ESR1: variants seen among roughly 807,000 people sequenced by gnomAD.
ESR1 encodes the protein estrogen receptor.
ESR1 carries 12 observed loss-of-function variants against 52.7 expected under a neutral mutation model. The ratio of observed to expected loss-of-function variants is 0.23; its 90% CI spans 0.15 to 0.37. ESR1 has a LOEUF of 0.37. Ranked by LOEUF, ESR1 falls within the 10% of genes least tolerant of loss-of-function variation. ESR1 has a pLI of 1.00. For synonymous variants in ESR1, 305 were observed against 316.8 expected, an observed-to-expected ratio of 0.96 and a Z score of 0.39; for missense variants, 584 against 779.7, an observed-to-expected ratio of 0.75 and a Z score of 2.99.
chr6:151,750,488 G>A (rs181752143), intron 2 of ESR1, among the ~76,000 whole-genome samples: 1 of 152,206 alleles, frequency 6.6e-6, no homozygotes, highest in East Asian at 1.9e-4. Flanking sequence ...TGGTGAGCAA[G>A]GAGCCTAATT....
downstream of ESR1, among the ~76,000 whole-genome samples, chr6:152,107,806 T>G (rs912516462): frequency 2.0e-5 from 3 of 152,212 alleles, no homozygotes; most frequent in African/African-American, 7.2e-5. Context: ...ATTAAATATA[T>G]GAGACTTGCC....
At chr6:151,945,060 T>G (rs2035545312) in intron 4 of ESR1, among the ~76,000 whole-genome samples, 1 of 151,938 alleles carries the variant, frequency 6.6e-6, no homozygotes, top group South Asian at 2.1e-4. Flanking sequence ...TACAACAAAT[T>G]TTTAAAAATT....
chr6:151,673,121 C>T (rs754813139), intron 1 of ESR1, among the ~76,000 whole-genome samples: 12 of 151,992 alleles, frequency 7.9e-5, no homozygotes, highest in South Asian at 4.1e-4. Flanking sequence ...CCACGGCGCC[C>T]GGCTTCATGA....
Position 152,119,884 on chromosome 6 carries a change from C to T in ESR1, c.851-5382C>T, listed in dbSNP as rs548513682. On this transcript the variant is annotated intron_variant, in intron 6 of 6. Transcript: ENST00000427531. ...CAATCAATCATCTGGGGAAGAGCCA[C>T]GACCTCATGGGTTCAATGTTTGCAC... Among the ~76,000 whole-genome samples the T allele has an allele frequency of 5.3e-5, 8 of 152,308 alleles. No homozygotes were observed. The East Asian group carries it at 9.6e-4, about 18-fold the overall frequency.
intron 3 of ESR1, among the ~76,000 whole-genome samples, chr6:151,918,717 C>T (rs2030919047): frequency 6.6e-6 from 1 of 152,148 alleles, no homozygotes; most frequent in Non-Finnish European, 1.5e-5. Flanking sequence ...ACTAATGAAC[C>T]AATCCTGCGT....
At chr6:151,934,288 T>C (rs1438286197) in intron 3 of ESR1, among the ~76,000 whole-genome samples, 1 of 152,216 alleles carries the variant, frequency 6.6e-6, no homozygotes, top group African/African-American at 2.4e-5. Flanking sequence ...TTCCACTTTG[T>C]TTTTTCCCCT....
intron 1 of ESR1, among the ~76,000 whole-genome samples, chr6:151,663,891 T>C (rs1441054328): frequency 6.6e-6 from 1 of 152,190 alleles, no homozygotes. Context: ...AAAGGGAACA[T>C]TGAGCATGTC....
At chr6:151,899,816 G>A (rs1313990216) in intron 3 of ESR1, among the ~76,000 whole-genome samples, 1 of 151,498 alleles carries the variant, frequency 6.6e-6, no homozygotes, top group Admixed American at 6.6e-5. Flanking sequence ...GGGCAGAGAC[G>A]CTCCTCACTT....
intron 2 of ESR1, among the ~76,000 whole-genome samples, chr6:151,728,409 A>G (rs1434934149): frequency 6.6e-6 from 1 of 152,246 alleles, no homozygotes; most frequent in African/African-American, 2.4e-5. Context: ...AAATCTGTCT[A>G]TCAGAAAGTT....
At chr6:151,792,275 C>T (rs929569995) in intron 2 of ESR1, among the ~76,000 whole-genome samples, 2 of 152,076 alleles carry the variant, frequency 1.3e-5, no homozygotes, top group Admixed American at 6.5e-5. Context: ...GGAGAGTCAG[C>T]GAATGGCTGA....
At chr6:152,028,844 TC>T (rs1350883475) in intron 5 of ESR1, among the ~76,000 whole-genome samples, 1 of 152,160 alleles carries the variant, frequency 6.6e-6, no homozygotes, top group East Asian at 1.9e-4. Context: ...GCAGACTGCC[TC>T]CTCAAGTGGG....
intron 2 of ESR1, among the ~76,000 whole-genome samples, chr6:151,761,007 T>C (rs753493909): frequency 6.6e-6 from 1 of 152,234 alleles, no homozygotes; most frequent in Non-Finnish European, 1.5e-5. Flanking sequence ...TGGCTAAGGA[T>C]GTTACTTTCA....
At chr6:151,978,930 G>C (rs1346569617) in intron 4 of ESR1, among the ~76,000 whole-genome samples, 3 of 152,070 alleles carry the variant, frequency 2.0e-5, no homozygotes, top group Non-Finnish European at 2.9e-5. Flanking sequence ...AAATATGTGA[G>C]GAAATAGAAA....
intron 4 of ESR1, among the ~76,000 whole-genome samples, chr6:151,955,110 A>C (rs2036757151): frequency 6.6e-6 from 1 of 152,246 alleles, no homozygotes; most frequent in South Asian, 2.1e-4. Context: ...CTACCTAAAT[A>C]GATTTGTTTG....
intron 2 of ESR1, among the ~76,000 whole-genome samples, chr6:151,705,250 T>G (rs1363797530): frequency 6.6e-6 from 1 of 152,154 alleles, no homozygotes; most frequent in Non-Finnish European, 1.5e-5. Flanking sequence ...CAAGCTCAAT[T>G]CCCATGCTGA....
rs527829014 is a variant in ESR1 at position 151,909,343 on chromosome 6, G to A, written c.760+28572G>A. Among the ~76,000 whole-genome samples the A allele has an allele frequency of 5.3e-5, 8 of 152,320 alleles. No homozygotes were observed. In the South Asian group the frequency reaches 1.7e-3, roughly 32 times the overall value. ...TTGGGGAGTCTCCACCTTGAATCTG[G>A]TTGTGGGACCAAGGAAGAGAATCTG... is the stretch of plus-strand genomic sequence containing the variant. On this transcript the variant is annotated intron_variant, in intron 3 of 7. Coordinates refer to ENST00000206249, the MANE Select transcript of ESR1 (RefSeq NM_000125.4).
chr6:151,967,462 G>A (rs905850900), intron 4 of ESR1, among the ~76,000 whole-genome samples: 1 of 152,112 alleles, frequency 6.6e-6, no homozygotes, highest in South Asian at 2.1e-4. Context: ...GAGTTAGTTT[G>A]CTGAGAATGA....
chr6:151,759,268 CAAAAAAAAA>C (rs984171376), intron 2 of ESR1, among the ~76,000 whole-genome samples: 1,753 of 66,422 alleles, frequency 0.026, 45 homozygotes, highest in African/African-American at 0.073. Flanking sequence ...GACTCTGTCT[CAAAAAAAAA>C]AAAAAAAAAA....
At chr6:151,815,031 G>A (rs1583429747) in intron 1 of ESR1, among the ~76,000 whole-genome samples, 1 of 152,304 alleles carries the variant, frequency 6.6e-6, no homozygotes, top group Admixed American at 6.5e-5. Flanking sequence ...AACATTCAGT[G>A]CATTCATGAT....
Sources: allele counts gnomAD v4.1 joint callset (sites outside exome capture counted in the v4.1 genomes callset), GRCh38; gene constraint gnomAD v4.1.1; transcripts MANE v1.5; gene names NCBI Gene and HGNC (gene_info 2026-07-23, HGNC 2026-07-21).